The following DIAPH2 variants were observed in gnomAD, a reference collection of about 807,000 sequenced individuals.
The protein encoded by DIAPH2 is diaphanous related formin 2, also known as protein diaphanous homolog 2.
Under a neutral mutation model 92.7 loss-of-function variants are expected in DIAPH2, and 35 were observed. That is an observed-to-expected ratio of 0.38 (90% CI 0.29 to 0.50). DIAPH2 has a LOEUF of 0.50. Among genes scored for constraint, DIAPH2 ranks in the 20% least tolerant of loss-of-function variants. DIAPH2 has a pLI of 0.94. For synonymous variants in DIAPH2, 301 were observed against 280.4 expected (o/e 1.07, Z -0.73); for missense variants, 701 against 819.5 (o/e 0.86, Z 1.77).
chrX:96,934,021 C>T (rs142011899), intron 10 of DIAPH2, among the ~76,000 whole-genome samples: 4,379 of 110,475 alleles, frequency 0.04, 104 homozygotes, highest in Middle Eastern at 0.079. Flanking sequence ...GTGCTGGGAT[C>T]GCATATACAA....
Position 97,076,771 on chromosome X carries a change from G to A in DIAPH2, c.2247+1510G>A, listed in dbSNP as rs566612928. Among the ~76,000 whole-genome samples the A allele has an allele frequency of 2.6e-4, 29 of 110,976 alleles. No homozygotes were observed. The South Asian group carries it at 0.011, about 42-fold the overall frequency. On this transcript the variant is annotated intron_variant, in intron 19 of 26. Coordinates refer to ENST00000324765, the MANE Select transcript of DIAPH2 (RefSeq NM_006729.5). ...GCGTGATTTTTAAAAATAGGACTCA[G>A]GTGTAATAAGATGACCTATGTCATC...
chrX:97,125,196 C>T (rs747761429), intron 21 of DIAPH2, among the ~76,000 whole-genome samples: 6 of 111,237 alleles, frequency 5.4e-5, no homozygotes, highest in South Asian at 3.8e-4. Flanking sequence ...GCAAACTGGC[C>T]GGGCGCGGTG....
At chrX:97,539,587 A>AT (rs763881327) in intron 26 of DIAPH2, among the ~76,000 whole-genome samples, 43 of 112,059 alleles carry the variant, frequency 3.8e-4, no homozygotes, top group Non-Finnish European at 7.3e-4. Context: ...TGGCAATCAC[A>AT]TTAAGACTCC....
intron 19 of DIAPH2, among the ~76,000 whole-genome samples, chrX:97,085,435 GT>G (rs2066776409): frequency 9.0e-6 from 1 of 111,025 alleles, no homozygotes; most frequent in Non-Finnish European, 1.9e-5. Flanking sequence ...TTGTTTGTTT[GT>G]TTTTTTGAGA....
chrX:97,166,102 TA>T lies in DIAPH2; in HGVS notation c.2719+24316del, dbSNP rs964734546. On this transcript the variant is annotated intron_variant, in intron 22 of 26. Transcript: ENST00000324765. ...CTTAAGTAAAATATTGTTTTTTTCT[TA>T]AAAAAAATACATTTATCAAAATTTA... 1.3e-4 allele frequency among the ~76,000 whole-genome samples: 14 copies of T among 111,178 alleles called. No homozygotes were observed. In the South Asian group the frequency reaches 2.7e-3, roughly 21 times the overall value.
At chrX:96,894,799 T>A (rs2065331832) in intron 5 of DIAPH2, among the ~76,000 whole-genome samples, 1 of 110,886 alleles carries the variant, frequency 9.0e-6, no homozygotes, top group Non-Finnish European at 1.9e-5. Flanking sequence ...ATGATTTATC[T>A]GTTGAAATCA....
chrX:97,120,563 C>T (rs1461794425), intron 21 of DIAPH2, among the ~76,000 whole-genome samples: 1 of 108,351 alleles, frequency 9.2e-6, no homozygotes, highest in Admixed American at 9.9e-5. Flanking sequence ...CTGCCATGAT[C>T]CTCCCACAAA....
chrX:97,557,791 C>G (rs932725876), intron 26 of DIAPH2, among the ~76,000 whole-genome samples: 1 of 111,705 alleles, frequency 9.0e-6, no homozygotes, highest in Admixed American at 9.5e-5. Flanking sequence ...TTCAGTCATC[C>G]AAACCATTGC....
At chrX:97,345,995 T>C (rs893292908) in intron 23 of DIAPH2, among the ~76,000 whole-genome samples, 2 of 112,108 alleles carry the variant, frequency 1.8e-5, no homozygotes, top group African/African-American at 3.2e-5. Context: ...TATAAATTTA[T>C]ATATAGTGAG....
intron 23 of DIAPH2, among the ~76,000 whole-genome samples, chrX:97,312,097 G>C (rs772928016): frequency 9.0e-6 from 1 of 110,765 alleles, no homozygotes; most frequent in South Asian, 3.8e-4. Context: ...CAAGGTGCTG[G>C]GATTACAGGC....
chrX:97,599,454 G>C lies in DIAPH2; in HGVS notation c.*137G>C. ...AGATCAAGATAAGCTGGATGAAGTA[G>C]TGTGCATTTGTAATACTATTGCAAG... On this transcript the variant is annotated 3_prime_UTR_variant, in exon 27 of 27. Transcript: ENST00000324765. 2.8e-6 allele frequency: 1 copy of C among 362,078 alleles called. No homozygotes were observed. The highest frequency in any genetic ancestry group is 5.0e-6 in the Non-Finnish European group (1 of 199,990). 29.8% of individuals were successfully genotyped at this position (362,078 alleles called of 1,213,427 possible).
At chrX:96,943,203 G>A (rs775000008) in intron 13 of DIAPH2, among the ~76,000 whole-genome samples, 1 of 111,060 alleles carries the variant, frequency 9.0e-6, no homozygotes, top group Non-Finnish European at 1.9e-5. Context: ...GACTTTTAAT[G>A]TCTGTATAAT....
rs1384259153 is a variant in DIAPH2 at position 97,364,850 on chromosome X, C to T, written c.3009+16570C>T. On this transcript the variant is annotated intron_variant, in intron 24 of 26. Coordinates refer to ENST00000324765, the MANE Select transcript of DIAPH2 (RefSeq NM_006729.5). ...CTTTTGGTCCTGCATATTTTTCTTC[C>T]TGGGTAGTTGATATCTATTCCAATG... 5.7e-5 allele frequency among the ~76,000 whole-genome samples: 6 copies of T among 104,380 alleles called. No individual in the cohort carries two copies. The East Asian group carries it at 1.8e-3, about 32-fold the overall frequency. 90.6% of individuals were successfully genotyped at this position (104,380 alleles called of 115,157 possible).
chrX:97,493,284 G>A (rs1352638619), intron 26 of DIAPH2, among the ~76,000 whole-genome samples: 2 of 108,444 alleles, frequency 1.8e-5, no homozygotes, highest in Non-Finnish European at 3.8e-5. Context: ...TTATTGAGAC[G>A]GAGTTTCACT....
Position 97,045,730 on chromosome X carries a change from T to G in DIAPH2, c.2051-27211T>G, listed in dbSNP as rs144370930. On this transcript the variant is annotated intron_variant, in intron 17 of 26. Transcript: ENST00000324765. ...TGCCATGTTGGTGTGAGTTGAAGAA[T>G]ACAGTTGGAGGTGAGAGAGTATAAG... Among the ~76,000 whole-genome samples the G allele has an allele frequency of 7.3e-3, 812 of 110,878 alleles. 4 individuals are homozygous for G. The highest frequency in any genetic ancestry group is 0.014 in the Middle Eastern group (3 of 216).
At chrX:97,160,362 C>T (rs1391385915) in intron 22 of DIAPH2, among the ~76,000 whole-genome samples, 1 of 112,224 alleles carries the variant, frequency 8.9e-6, no homozygotes, top group Non-Finnish European at 1.9e-5. Flanking sequence ...GCTATGTTAT[C>T]CTGGGGTGGT....
chrX:97,410,534 A>G (rs1371209083), intron 25 of DIAPH2, among the ~76,000 whole-genome samples: 4 of 112,264 alleles, frequency 3.6e-5, no homozygotes, highest in African/African-American at 1.3e-4. Context: ...CTCTCCAGCA[A>G]CGAAACAAAG....
chrX:96,926,689 A>G (rs2065584058), intron 9 of DIAPH2, among the ~76,000 whole-genome samples: 1 of 111,844 alleles, frequency 8.9e-6, no homozygotes, highest in Non-Finnish European at 1.9e-5. Flanking sequence ...CATGCACAGA[A>G]CTGGTAGTTT....
At chrX:97,302,274 A>G (rs900054255) in intron 23 of DIAPH2, among the ~76,000 whole-genome samples, 19 of 108,418 alleles carry the variant, frequency 1.8e-4, no homozygotes, top group Non-Finnish European at 3.4e-4. Flanking sequence ...CACACCTGTA[A>G]TCCCAGCACT....
Sources: gnomAD v4.1 joint callset for allele counts (sites outside exome capture counted in the v4.1 genomes callset) on GRCh38, gnomAD v4.1.1 for gene constraint, MANE v1.5 for transcripts, NCBI Gene and HGNC (gene_info 2026-07-23, HGNC 2026-07-21) for gene names.